Variants in SUGCT observed in about 807,000 individuals in gnomAD.
SUGCT encodes the protein succinyl-CoA:glutarate-CoA transferase, also known as succinyl-CoA:glutarate CoA-transferase.
A neutral mutation model predicts 55.0 loss-of-function variants in SUGCT; 41 were observed. The observed-to-expected ratio is 0.74, with a 90% CI of 0.58 to 0.97. The LOEUF (loss-of-function observed/expected upper bound fraction) is 0.97. Ranked by LOEUF, SUGCT falls within the 50% of genes least tolerant of loss-of-function variation. SUGCT has a pLI of 0.00. For synonymous variants in SUGCT, 187 were observed against 200.4 expected (o/e 0.93, Z 0.56); for missense variants, 568 against 547.8 (o/e 1.04, Z -0.37).
At chr7:40,764,341 C>A (rs1384206467) in intron 13 of SUGCT, among the ~76,000 whole-genome samples, 1 of 152,044 alleles carries the variant, frequency 6.6e-6, no homozygotes. Context: ...AGACAAACAG[C>A]CCATCAGTGT....
chr7:40,489,860 C>T (rs927647790), intron 11 of SUGCT, among the ~76,000 whole-genome samples: 4 of 152,164 alleles, frequency 2.6e-5, no homozygotes, highest in African/African-American at 4.8e-5. Flanking sequence ...CCTGATTGTT[C>T]CTGATCCTTG....
chr7:40,382,239 C>T (rs983819048), intron 9 of SUGCT, among the ~76,000 whole-genome samples: 6 of 152,008 alleles, frequency 3.9e-5, no homozygotes, highest in African/African-American at 9.7e-5. Context: ...CAAAATCTTG[C>T]ATAATCTAGT....
intron 7 of SUGCT, among the ~76,000 whole-genome samples, chr7:40,251,131 A>G (rs924331642): frequency 6.6e-5 from 10 of 151,904 alleles, no homozygotes; most frequent in African/African-American, 2.4e-4. Flanking sequence ...GTCCTGCCTC[A>G]TTTCATGCTT....
At chr7:40,921,248 A>G in the SUGCT span, among the ~76,000 whole-genome samples, 1 of 152,100 alleles carries the variant, frequency 6.6e-6, no homozygotes, top group Non-Finnish European at 1.5e-5. Flanking sequence ...TTTTTTTACA[A>G]AATAATATAT....
chr7:40,451,202 A>G (rs1789174520), intron 10 of SUGCT, among the ~76,000 whole-genome samples: 1 of 152,052 alleles, frequency 6.6e-6, no homozygotes, highest in South Asian at 2.1e-4. Flanking sequence ...TTCCTGGGCC[A>G]TATGTTTTGG....
intron 6 of SUGCT, among the ~76,000 whole-genome samples, chr7:40,209,579 C>T (rs967647289): frequency 2.0e-5 from 3 of 152,146 alleles, no homozygotes; most frequent in Non-Finnish European, 4.4e-5. Flanking sequence ...GCTGAATCAC[C>T]TGAGGTCCGG....
intron 12 of SUGCT, among the ~76,000 whole-genome samples, chr7:40,548,611 G>A (rs892296820): frequency 2.6e-5 from 4 of 151,942 alleles, no homozygotes; most frequent in African/African-American, 9.7e-5. Flanking sequence ...ATAGTGTCCC[G>A]TCATCAGCAT....
intron 7 of SUGCT, among the ~76,000 whole-genome samples, chr7:40,256,289 G>C (rs1790807083): frequency 6.6e-6 from 1 of 152,084 alleles, no homozygotes; most frequent in African/African-American, 2.4e-5. Flanking sequence ...CCTGTTCCTT[G>C]TTTTCAGTTC....
At chr7:40,417,955 A>G (rs774657521) in intron 9 of SUGCT, among the ~76,000 whole-genome samples, 6 of 151,936 alleles carry the variant, frequency 3.9e-5, no homozygotes, top group Non-Finnish European at 7.4e-5. Flanking sequence ...GTTATGCAGC[A>G]TAGAAAAACA....
At chr7:40,335,801 A>G (rs1175562649) in intron 9 of SUGCT, among the ~76,000 whole-genome samples, 4 of 152,306 alleles carry the variant, frequency 2.6e-5, no homozygotes, top group South Asian at 4.1e-4. Context: ...AGGAGTGGTG[A>G]GAGAGGGCAT....
intron 13 of SUGCT, among the ~76,000 whole-genome samples, chr7:40,830,612 C>T (rs1792610537): frequency 6.6e-6 from 1 of 152,190 alleles, no homozygotes; most frequent in South Asian, 2.1e-4. Context: ...ACAGAACAGG[C>T]CTGCCTTGAT....
intron 13 of SUGCT, among the ~76,000 whole-genome samples, chr7:40,855,492 C>T (rs1009134493): frequency 6.7e-6 from 1 of 150,156 alleles, no homozygotes; most frequent in Non-Finnish European, 1.5e-5. Flanking sequence ...AGTGCTAAAT[C>T]TTGTTTAAAT....
At chr7:40,985,641 A>G in the SUGCT span, among the ~76,000 whole-genome samples, 1 of 152,192 alleles carries the variant, frequency 6.6e-6, no homozygotes, top group Admixed American at 6.5e-5. Context: ...TGTGAATTAC[A>G]CAGAAAGGGA....
At chr7:40,613,673 C>A (rs1215689193) in intron 12 of SUGCT, among the ~76,000 whole-genome samples, 1 of 151,824 alleles carries the variant, frequency 6.6e-6, no homozygotes, top group Middle Eastern at 3.4e-3. Flanking sequence ...TGCAATGGCA[C>A]AATCTCAGCT....
At chr7:40,767,336 A>G (rs1273589420) in intron 13 of SUGCT, among the ~76,000 whole-genome samples, 1 of 152,242 alleles carries the variant, frequency 6.6e-6, no homozygotes, top group Non-Finnish European at 1.5e-5. Flanking sequence ...TGTAAATCAC[A>G]TGATATAAAA....
the SUGCT span, among the ~76,000 whole-genome samples, chr7:40,879,786 T>C: frequency 6.6e-6 from 1 of 152,248 alleles, no homozygotes; most frequent in Non-Finnish European, 1.5e-5. Context: ...GGCAGTGCTT[T>C]GGCCTCTCTC....
chr7:40,684,231 C>T (rs1434765158), intron 12 of SUGCT: 3 of 1,433,566 alleles, frequency 2.1e-6, no homozygotes, highest in African/African-American at 2.9e-5. Context: ...ACCTTAATTA[C>T]ATCCATACTT....
the SUGCT span, among the ~76,000 whole-genome samples, chr7:40,898,691 T>TCC: frequency 6.6e-6 from 1 of 150,924 alleles, no homozygotes; most frequent in Non-Finnish European, 1.5e-5. Context: ...GCCGCGAGAC[T>TCC]CCGTCTAAAA....
At chr7:40,235,557 C>A (rs1161401227) in intron 6 of SUGCT, among the ~76,000 whole-genome samples, 1 of 152,164 alleles carries the variant, frequency 6.6e-6, no homozygotes, top group Non-Finnish European at 1.5e-5. Context: ...AAACTCCTGA[C>A]CTCAAGTGAT....
Sources: gnomAD v4.1 joint callset for allele counts (sites outside exome capture counted in the v4.1 genomes callset) on GRCh38, gnomAD v4.1.1 for gene constraint, MANE v1.5 for transcripts, NCBI Gene and HGNC (gene_info 2026-07-23, HGNC 2026-07-21) for gene names.